TMEM132D: variants seen among roughly 807,000 people sequenced by gnomAD.
The protein encoded by TMEM132D is transmembrane protein 132D.
TMEM132D carries 21 observed loss-of-function variants against 62.3 expected under a neutral mutation model. That is an observed-to-expected ratio of 0.34 (90% CI 0.24 to 0.49). TMEM132D has a LOEUF of 0.49. Among genes scored for constraint, TMEM132D ranks in the 20% least tolerant of loss-of-function variants. TMEM132D has a pLI of 0.99. For synonymous variants in TMEM132D, 621 were observed against 575.6 expected, an observed-to-expected ratio of 1.08 and a Z score of -1.13; for missense variants, 1,346 against 1,402.8, an observed-to-expected ratio of 0.96 and a Z score of 0.65.
At chr12:129,572,744 C>T (rs571606496) in intron 2 of TMEM132D, among the ~76,000 whole-genome samples, 7 of 152,158 alleles carry the variant, frequency 4.6e-5, no homozygotes, top group South Asian at 4.2e-4. Context: ...CCAGCGCGCC[C>T]GGCCCAGAGG....
chr12:129,463,855 T>C (rs1873777256), intron 3 of TMEM132D, among the ~76,000 whole-genome samples: 1 of 151,808 alleles, frequency 6.6e-6, no homozygotes, highest in Non-Finnish European at 1.5e-5. Context: ...GTGCCACATT[T>C]TCTTAATCCA....
chr12:129,889,069 C>T lies in TMEM132D; in HGVS notation c.79+14192G>A, dbSNP rs142766683. Among the ~76,000 whole-genome samples the T allele has an allele frequency of 6.4e-4, 98 of 152,204 alleles. 1 individual carries two copies. The highest frequency in any genetic ancestry group is 2.2e-3 in the African/African-American group (90 of 41,524). ...AGTTAGGATAAGATGTAATTCTGAGCTAGGAAGCCATTTTGTCTAGATGAG... is the reference window on the plus strand; with the variant it reads ...AGTTAGGATAAGATGTAATTCTGAGTTAGGAAGCCATTTTGTCTAGATGAG... On this transcript the variant is annotated intron_variant, in intron 1 of 8. Coordinates refer to ENST00000422113, the MANE Select transcript of TMEM132D (RefSeq NM_133448.3).
intron 4 of TMEM132D, among the ~76,000 whole-genome samples, chr12:129,222,592 T>C (rs1349018740): frequency 1.3e-5 from 2 of 152,192 alleles, no homozygotes; most frequent in African/African-American, 4.8e-5. Flanking sequence ...AATATGATCA[T>C]GTTCCCCTTT....
intron 5 of TMEM132D, among the ~76,000 whole-genome samples, chr12:129,113,596 A>C (rs1415670748): frequency 3.3e-5 from 5 of 152,198 alleles, no homozygotes; most frequent in Non-Finnish European, 7.3e-5. Flanking sequence ...GAGAAAAATA[A>C]AGCAGTGAAG....
chr12:129,394,291 A>G (rs547168816), intron 3 of TMEM132D, among the ~76,000 whole-genome samples: 25 of 152,250 alleles, frequency 1.6e-4, no homozygotes, highest in African/African-American at 6.0e-4. Flanking sequence ...CCGTCAATAC[A>G]TTTTTGTAAG....
intron 2 of TMEM132D, among the ~76,000 whole-genome samples, chr12:129,612,231 T>TCC (rs1182249776): frequency 1.4e-4 from 21 of 152,326 alleles, no homozygotes; most frequent in Admixed American, 6.5e-4. Flanking sequence ...TGGCTGATCT[T>TCC]ACTAAGGGGA....
At chr12:129,389,239 CACTAAT>C (rs1001309973) in intron 3 of TMEM132D, among the ~76,000 whole-genome samples, 15 of 152,068 alleles carry the variant, frequency 9.9e-5, no homozygotes, top group African/African-American at 3.4e-4. Flanking sequence ...CTAAGAACAA[CACTAAT>C]ACTAACACCA....
At chr12:129,798,139 T>C (rs1392502996) in intron 1 of TMEM132D, among the ~76,000 whole-genome samples, 1 of 152,200 alleles carries the variant, frequency 6.6e-6, no homozygotes, top group Non-Finnish European at 1.5e-5. Flanking sequence ...TGTAGCTCCC[T>C]AGACTCCACC....
intron 1 of TMEM132D, among the ~76,000 whole-genome samples, chr12:129,759,059 CA>C (rs1870264795): frequency 6.6e-6 from 1 of 151,858 alleles, no homozygotes; most frequent in African/African-American, 2.4e-5. Flanking sequence ...TCAGTCTCCC[CA>C]GTAGCTGGGA....
chr12:129,322,538 C>T (rs74779832), intron 4 of TMEM132D, among the ~76,000 whole-genome samples: 4,927 of 152,168 alleles, frequency 0.032, 116 homozygotes, highest in Middle Eastern at 0.058. Flanking sequence ...TGAATCGTTT[C>T]TCGGTGGTTG....
intron 4 of TMEM132D, among the ~76,000 whole-genome samples, chr12:129,256,177 T>A (rs1880394754): frequency 6.6e-6 from 1 of 152,064 alleles, no homozygotes; most frequent in South Asian, 2.1e-4. Flanking sequence ...CCTCTGGGGT[T>A]CAAGCGATTC....
At chr12:129,264,457 T>C (rs1880634181) in intron 4 of TMEM132D, among the ~76,000 whole-genome samples, 3 of 152,212 alleles carry the variant, frequency 2.0e-5, no homozygotes, top group Admixed American at 1.3e-4. Flanking sequence ...GGAACACTTC[T>C]ACACTGCTGG....
rs1368452372 is a variant in TMEM132D at position 129,861,633 on chromosome 12, C to T, written c.79+41628G>A. Among the ~76,000 whole-genome samples, 3 of 151,926 alleles carry T rather than the reference C, an allele frequency of 2.0e-5. No individual in the cohort carries two copies. The East Asian group carries it at 5.8e-4, about 29-fold the overall frequency. ...AAAATTAGCCGGTCATGGTGGTGCACTCCTGTAATCCCAGCTACTAGGGAG... is the reference window on the plus strand; with the variant it reads ...AAAATTAGCCGGTCATGGTGGTGCATTCCTGTAATCCCAGCTACTAGGGAG... On this transcript the variant is annotated intron_variant, in intron 1 of 8. Coordinates refer to ENST00000422113, the MANE Select transcript of TMEM132D (RefSeq NM_133448.3).
At chr12:129,574,734 A>G (rs1877611199) in intron 2 of TMEM132D, among the ~76,000 whole-genome samples, 1 of 151,946 alleles carries the variant, frequency 6.6e-6, no homozygotes, top group Admixed American at 6.5e-5. Flanking sequence ...GCTTTTTCAC[A>G]ATATCACGGT....
chr12:129,457,464 A>G (rs1873511499), intron 3 of TMEM132D, among the ~76,000 whole-genome samples: 1 of 144,926 alleles, frequency 6.9e-6, no homozygotes, highest in Non-Finnish European at 1.5e-5. Flanking sequence ...GGGGAGAGGG[A>G]TGGCATTAGG....
At chr12:129,388,169 G>GCAACACCAATACTAACAC (rs1871171384) in intron 3 of TMEM132D, among the ~76,000 whole-genome samples, 1 of 118,754 alleles carries the variant, frequency 8.4e-6, no homozygotes, top group Non-Finnish European at 1.9e-5. Context: ...AACACTAATA[G>GCAACACCAATACTAACAC]CAACACCAAT....
chr12:129,103,995 C>T (rs564062000), intron 5 of TMEM132D, among the ~76,000 whole-genome samples: 4 of 152,110 alleles, frequency 2.6e-5, no homozygotes, highest in Admixed American at 1.3e-4. Context: ...CAATGCCATC[C>T]CCATCAAGCT....
rs1246225576 is a variant in TMEM132D at position 129,903,210 on chromosome 12, T to A, written c.79+51A>T. Reference sequence around the variant, plus strand: ...CCATCCTCCACACACTCCCACACACTCACTCCAGGCGAAGTTAGTCCCCGG... The same window carrying A: ...CCATCCTCCACACACTCCCACACACACACTCCAGGCGAAGTTAGTCCCCGG... On this transcript the variant is annotated intron_variant, in intron 1 of 8. Coordinates refer to ENST00000422113, the MANE Select transcript of TMEM132D (RefSeq NM_133448.3). The surrounding 1 kb of genome is among the most constrained non-coding windows in gnomAD (Gnocchi z 6.2). 9 of 1,540,116 alleles carry A rather than the reference T, an allele frequency of 5.8e-6. No individual in the cohort carries two copies. Among genetic ancestry groups the A allele is most frequent in the South Asian group, 3.6e-5 (3 of 83,818 alleles).
At chr12:129,845,177 T>C (rs1386675033) in intron 1 of TMEM132D, among the ~76,000 whole-genome samples, 1 of 152,178 alleles carries the variant, frequency 6.6e-6, no homozygotes, top group East Asian at 1.9e-4. Flanking sequence ...TATGTATGGA[T>C]ACATATATTT....
Sources: gnomAD v4.1 joint callset for allele counts (sites outside exome capture counted in the v4.1 genomes callset) on GRCh38, gnomAD v4.1.1 for gene constraint, Gnocchi (gnomAD v3.1) non-coding constraint, MANE v1.5 for transcripts, NCBI Gene and HGNC (gene_info 2026-07-23, HGNC 2026-07-21) for gene names.